ADAM12: variants seen among roughly 807,000 people sequenced by gnomAD.
The protein encoded by ADAM12 is ADAM metallopeptidase domain 12.
ADAM12 carries 70 observed loss-of-function variants against 106.4 expected under a neutral mutation model. The observed-to-expected ratio is 0.66, with a 90% CI of 0.54 to 0.80. The LOEUF is 0.80. ADAM12 is among the 30% of genes least tolerant of loss of function. The probability of loss-of-function intolerance (pLI) is 0.00; values close to 1 mark genes in which losing one functional copy is unlikely to be tolerated. For synonymous variants in ADAM12, 420 were observed against 433.5 expected, an observed-to-expected ratio of 0.97 and a Z score of 0.39; for missense variants, 1,010 against 1,171.9, an observed-to-expected ratio of 0.86 and a Z score of 2.02.
At chr10:126,050,055 C>T (rs1192759539) in intron 14 of ADAM12, among the ~76,000 whole-genome samples, 7 of 151,724 alleles carry the variant, frequency 4.6e-5, no homozygotes, top group Non-Finnish European at 2.9e-5. Context: ...GAAGTTTGCT[C>T]TCTTTAACAA....
At chr10:126,340,725 T>TTC (rs1257526477) in intron 1 of ADAM12, among the ~76,000 whole-genome samples, 2 of 151,650 alleles carry the variant, frequency 1.3e-5, no homozygotes, top group African/African-American at 4.8e-5. Context: ...GGCCTGTTTT[T>TTC]TTTTTTTTTT....
At chr10:126,258,078 T>G (rs1256163855) in intron 3 of ADAM12, among the ~76,000 whole-genome samples, 2 of 152,220 alleles carry the variant, frequency 1.3e-5, no homozygotes, top group African/African-American at 4.8e-5. Flanking sequence ...TCCTGCTATA[T>G]ATCAAGCATA....
At position 126,039,357 on chromosome 10, in the gene ADAM12, A is replaced by AGAT. The variant is rs765696402; in HGVS notation, c.2174_2176dup (p.Tyr725_Leu726insHis). 5.0e-6 allele frequency: 8 copies of AGAT among 1,613,970 alleles called. No homozygotes were observed. The African/African-American group carries it at 1.1e-4, about 22-fold the overall frequency. The stretch of plus-strand genomic sequence containing the variant: ...CAGTCGTATCAAGGTCTTCCTTTTG[A>AGAT]GATAAACCACAAATCCGGCAGCAAG... On this transcript the variant is annotated inframe_insertion, in exon 19 of 23. Coordinates refer to ENST00000448723, the MANE Select transcript of ADAM12 (RefSeq NM_001288973.2).
intron 3 of ADAM12, among the ~76,000 whole-genome samples, chr10:126,223,914 C>T (rs1411086239): frequency 6.6e-6 from 1 of 152,160 alleles, no homozygotes; most frequent in Non-Finnish European, 1.5e-5. Context: ...CCTGGGGGTT[C>T]GTGCCCAGAC....
At chr10:126,041,766 C>A in intron 18 of ADAM12, 1 of 1,071,738 alleles carries the variant, frequency 9.3e-7, no homozygotes. Context: ...TGGGCCCAAC[C>A]CTTGCTTCTC....
At chr10:126,319,502 G>C (rs1854020681) in intron 2 of ADAM12, among the ~76,000 whole-genome samples, 1 of 152,060 alleles carries the variant, frequency 6.6e-6, no homozygotes, top group African/African-American at 2.4e-5. Context: ...CCAGCTGAGG[G>C]CCAGTCTATG....
At chr10:126,206,622 A>G (rs919419533) in intron 3 of ADAM12, among the ~76,000 whole-genome samples, 1 of 152,210 alleles carries the variant, frequency 6.6e-6, no homozygotes, top group Non-Finnish European at 1.5e-5. Flanking sequence ...ATCTGCTAAG[A>G]CCAAACACCA....
rs145462817 is a variant in ADAM12 at position 126,059,263 on chromosome 10, A to C, written c.1609+5543T>G. Among the ~76,000 whole-genome samples the C allele has an allele frequency of 5.1e-3, 779 of 152,288 alleles. 8 individuals are homozygous for C. The highest frequency in any genetic ancestry group is 0.017 in the African/African-American group (695 of 41,542). On this transcript the variant is annotated intron_variant, in intron 14 of 22. Coordinates refer to ENST00000448723, the MANE Select transcript of ADAM12 (RefSeq NM_001288973.2). ...TAAAATGACTCCACGATGCAAATGT[A>C]CTTCCCCAGTTCAGTCAAATCAGCT...
chr10:126,318,929 C>T (rs1853993281), intron 2 of ADAM12, among the ~76,000 whole-genome samples: 1 of 152,088 alleles, frequency 6.6e-6, no homozygotes, highest in East Asian at 1.9e-4. Flanking sequence ...AGGGGAACTG[C>T]CCTTTAAAAA....
rs182173348 is a variant in ADAM12, at chr10:126,014,477, G to C, written c.*2802C>G. Reference sequence around the variant, plus strand: ...TATTGACTCTCCTACAGTTTAATTTGCTGCTTTTGTGGTTTCTGTGATGTC... The same window carrying C: ...TATTGACTCTCCTACAGTTTAATTTCCTGCTTTTGTGGTTTCTGTGATGTC... On this transcript the variant is annotated 3_prime_UTR_variant, in exon 23 of 23. Coordinates refer to ENST00000448723, the MANE Select transcript of ADAM12 (RefSeq NM_001288973.2). 3.2e-4 allele frequency: 47 copies of C among 146,806 alleles called. No individual in the cohort carries two copies. The highest frequency in any genetic ancestry group is 9.6e-4 in the African/African-American group (38 of 39,470). 9.1% of individuals were successfully genotyped at this position (146,806 alleles called of 1,614,324 possible). A position where few individuals can be genotyped will look rare whatever the true frequency, so the allele number is the denominator to read the frequency against.
At chr10:126,190,370 C>A (rs1590591890) in intron 3 of ADAM12, among the ~76,000 whole-genome samples, 1 of 152,034 alleles carries the variant, frequency 6.6e-6, no homozygotes, top group East Asian at 1.9e-4. Context: ...CCACACCTGG[C>A]TAACTTTTGT....
At chr10:126,068,381 A>G (rs1025625804) in intron 12 of ADAM12, among the ~76,000 whole-genome samples, 4 of 152,232 alleles carry the variant, frequency 2.6e-5, no homozygotes, top group African/African-American at 9.6e-5. Context: ...TTTAAGAAAT[A>G]TCTTCCCCCC....
intron 6 of ADAM12, 103 bp downstream of exon 6, chr10:126,117,935 C>G: frequency 3.0e-6 from 4 of 1,325,298 alleles, no homozygotes; most frequent in Middle Eastern, 2.1e-4. Context: ...CCCCAGATGC[C>G]GCATCATCTA....
chr10:126,221,112 G>T (rs757317562), intron 3 of ADAM12, among the ~76,000 whole-genome samples: 6 of 152,196 alleles, frequency 3.9e-5, no homozygotes, highest in South Asian at 2.1e-4. Context: ...GGCTGGGTGC[G>T]GTGGCTCACA....
chr10:126,066,573 A>T lies in ADAM12; in HGVS notation c.1413+144T>A. On this transcript the variant is annotated intron_variant, in intron 13 of 22. Coordinates refer to ENST00000448723, the MANE Select transcript of ADAM12 (RefSeq NM_001288973.2). This position sits in a 1 kb window ranked among gnomAD's most constrained non-coding sequence, Gnocchi z 5.1. ...AGCTAAACAGTAAGAGGTGGGTAAC[A>T]CCAACTGGCGTGAGAAGGAGGGATG... The T allele has an allele frequency of 1.4e-6, 1 of 717,278 alleles. No individual in the cohort carries two copies. The highest frequency in any genetic ancestry group is 2.4e-6 in the Non-Finnish European group (1 of 419,286). 44.4% of individuals were successfully genotyped at this position (717,278 alleles called of 1,614,324 possible). A position where few individuals can be genotyped will look rare whatever the true frequency, so the allele number is the denominator to read the frequency against.
intron 3 of ADAM12, among the ~76,000 whole-genome samples, chr10:126,230,419 G>T (rs1389331102): frequency 6.6e-6 from 1 of 152,152 alleles, no homozygotes; most frequent in East Asian, 1.9e-4. Flanking sequence ...ATAAATCCCT[G>T]ATGTGAAACT....
intron 3 of ADAM12, among the ~76,000 whole-genome samples, chr10:126,251,615 T>TGAACG (rs1958757651): frequency 7.1e-6 from 1 of 140,108 alleles, no homozygotes; most frequent in Admixed American, 7.2e-5. Flanking sequence ...GATGGATGCA[T>TGAACG]GGATAGATGA....
chr10:126,100,030 A>G (rs771864641), intron 9 of ADAM12, among the ~76,000 whole-genome samples: 54 of 151,974 alleles, frequency 3.6e-4, no homozygotes, highest in Non-Finnish European at 6.9e-4. Context: ...TTTTTGTGTT[A>G]TAATAGAGCT....
chr10:126,067,001 T>C, intron 12 of ADAM12, 195 bp from the exon 13 acceptor site: 1 of 553,436 alleles, frequency 1.8e-6, no homozygotes, highest in South Asian at 2.0e-5. Flanking sequence ...GGTCTACGAG[T>C]CCCTGGAAAA....
Sources: gnomAD v4.1 joint callset for allele counts (sites outside exome capture counted in the v4.1 genomes callset) on GRCh38, gnomAD v4.1.1 for gene constraint, Gnocchi (gnomAD v3.1) non-coding constraint, MANE v1.5 for transcripts, NCBI Gene and HGNC (gene_info 2026-07-23, HGNC 2026-07-21) for gene names.